OC90: variants seen among roughly 807,000 people sequenced by gnomAD.
OC90 encodes otoconin 90, also known as otoconin-90.
A neutral mutation model predicts 47.3 loss-of-function variants in OC90; 46 were observed. The observed-to-expected ratio is 0.97, with a 90% CI of 0.77 to 1.24. The LOEUF is 1.24. Among genes scored for constraint, OC90 ranks in the 50% most tolerant of loss-of-function variants. The pLI is 0.00. For synonymous variants in OC90, 271 were observed against 219.5 expected, an observed-to-expected ratio of 1.23 and a Z score of -2.07; for missense variants, 688 against 583.9, an observed-to-expected ratio of 1.18 and a Z score of -1.84.
intron 1 of OC90, among the ~76,000 whole-genome samples, chr8:132,057,800 CTT>C (rs1469491948): frequency 1.3e-5 from 2 of 152,242 alleles, no homozygotes; most frequent in Admixed American, 6.5e-5. Flanking sequence ...CCCTCCAAGA[CTT>C]TGGCTATCAA....
intron 4 of OC90, among the ~76,000 whole-genome samples, chr8:132,042,735 C>A (rs1823072733): frequency 6.6e-6 from 1 of 152,084 alleles, no homozygotes; most frequent in Admixed American, 6.5e-5. Context: ...TCACACCAGT[C>A]AAAATGGTGA....
intron 5 of OC90, 61 bp from the exon 6 acceptor site, chr8:132,041,217 A>C: frequency 9.8e-7 from 1 of 1,015,346 alleles, no homozygotes; most frequent in Non-Finnish European, 1.6e-6. Flanking sequence ...GAGGGCAGGC[A>C]GCTCATGATC....
At chr8:132,040,274 T>A (rs972218208) in intron 6 of OC90, among the ~76,000 whole-genome samples, 6 of 152,218 alleles carry the variant, frequency 3.9e-5, no homozygotes, top group Admixed American at 6.5e-5. Flanking sequence ...GGGCAAGTTA[T>A]TTAAGCTGCA....
intron 2 of OC90, among the ~76,000 whole-genome samples, chr8:132,053,468 CAG>C (rs1303329763): frequency 1.3e-5 from 2 of 152,294 alleles, no homozygotes; most frequent in South Asian, 2.1e-4. Context: ...CTGCTAGAAT[CAG>C]AGAATCTTAG....
chr8:132,050,240 C>T (rs576454030), intron 2 of OC90, among the ~76,000 whole-genome samples: 30 of 152,130 alleles, frequency 2.0e-4, no homozygotes, highest in African/African-American at 7.0e-4. Context: ...AAGAAGACTG[C>T]AAAGGGAGGA....
In OC90 at chr8:132,038,773, AC is replaced by A. The variant is rs1823006834; in HGVS notation, c.628+16del. The stretch of plus-strand genomic sequence containing the variant: ...GGCCCTTGTGGTTCAAGAGCCACCA[AC>A]CCTGGGAGGCCTTACCTCTGGGCAG... On this transcript the variant is annotated intron_variant, in intron 8 of 13. Coordinates refer to ENST00000254627, the MANE Select transcript of OC90 (RefSeq NM_001080399.3). 1 of 1,611,128 alleles carries A rather than the reference AC, an allele frequency of 6.2e-7. No individual in the cohort carries two copies. The highest frequency in any genetic ancestry group is 8.5e-7 in the Non-Finnish European group (1 of 1,177,942).
At chr8:132,028,646 GGA>G (rs2130850441) in intron 13 of OC90, among the ~76,000 whole-genome samples, 3 of 104,582 alleles carry the variant, frequency 2.9e-5, no homozygotes, top group African/African-American at 1.1e-4. Context: ...AAGAAAGGAA[GGA>G]AGGAAGAAAG....
chr8:132,035,071 T>A (rs949297193), intron 9 of OC90, among the ~76,000 whole-genome samples: 11 of 152,246 alleles, frequency 7.2e-5, no homozygotes, highest in African/African-American at 2.7e-4. Flanking sequence ...CTTGTCAGGC[T>A]GGAAGCAAGT....
rs572963476 is a variant in OC90 at position 132,024,887 on chromosome 8, C to T, written c.1139-111G>A. On this transcript the variant is annotated intron_variant, in intron 13 of 13. Coordinates refer to ENST00000254627, the MANE Select transcript of OC90 (RefSeq NM_001080399.3). ...TTCTCCTTCCTCCCCATCTTCCACACACCTTCAGGGTATCCACCTTATATG... is the reference window on the plus strand; with the variant it reads ...TTCTCCTTCCTCCCCATCTTCCACATACCTTCAGGGTATCCACCTTATATG... 99 of 884,266 alleles carry T rather than the reference C, an allele frequency of 1.1e-4. No homozygotes were observed. The African/African-American group carries it at 1.6e-3, about 14-fold the overall frequency. 54.8% of individuals were successfully genotyped at this position (884,266 alleles called of 1,614,324 possible).
intron 1 of OC90, among the ~76,000 whole-genome samples, chr8:132,056,463 T>A (rs897442310): frequency 2.0e-5 from 3 of 152,174 alleles, no homozygotes; most frequent in Admixed American, 6.5e-5. Flanking sequence ...TGAATTTTTT[T>A]AAAAAGGGTA....
At chr8:132,047,634 T>TA (rs1214289539) in intron 2 of OC90, among the ~76,000 whole-genome samples, 5 of 130,676 alleles carry the variant, frequency 3.8e-5, no homozygotes, top group African/African-American at 6.0e-5. Flanking sequence ...GTGGGAGATT[T>TA]TAAAAAAATA....
At chr8:132,028,690 A>AAGAG (rs1822815999) in intron 13 of OC90, among the ~76,000 whole-genome samples, 1 of 131,668 alleles carries the variant, frequency 7.6e-6, no homozygotes, top group African/African-American at 2.8e-5. Context: ...AAGAAAGAGA[A>AAGAG]AGAAAGAAAG....
At chr8:132,034,982 G>C in intron 9 of OC90, 148 bp from the exon 10 acceptor site, 1 of 600,072 alleles carries the variant, frequency 1.7e-6, no homozygotes, top group Non-Finnish European at 3.0e-6. Context: ...GATTTCCTAA[G>C]AGAGCTGGTG....
At chr8:132,053,317 A>T (rs1823241481) in intron 2 of OC90, among the ~76,000 whole-genome samples, 2 of 152,184 alleles carry the variant, frequency 1.3e-5, no homozygotes, top group African/African-American at 4.8e-5. Flanking sequence ...AAGCACTGTG[A>T]TGTATGTAAT....
At chr8:132,043,933 G>A (rs1262427733) in intron 4 of OC90, among the ~76,000 whole-genome samples, 1 of 152,144 alleles carries the variant, frequency 6.6e-6, no homozygotes, top group African/African-American at 2.4e-5. Context: ...TCTAGTAGTT[G>A]ATGATAGGAA....
intron 12 of OC90, among the ~76,000 whole-genome samples, chr8:132,031,423 A>C (rs74449847): frequency 7.0e-4 from 106 of 152,308 alleles, no homozygotes; most frequent in African/African-American, 2.5e-3. Context: ...TTATATTTAA[A>C]AGGTGTTGAG....
intron 2 of OC90, among the ~76,000 whole-genome samples, chr8:132,052,889 G>A (rs527925632): frequency 3.3e-5 from 5 of 152,080 alleles, no homozygotes; most frequent in South Asian, 4.2e-4. Flanking sequence ...GAGACTCTTC[G>A]ATGAAGCTAT....
intron 1 of OC90, among the ~76,000 whole-genome samples, chr8:132,057,192 G>A (rs1823289008): frequency 6.6e-6 from 1 of 152,204 alleles, no homozygotes; most frequent in Admixed American, 6.5e-5. Context: ...GGCTCAATAA[G>A]TAGTAGCTGC....
intron 2 of OC90, chr8:132,049,724 C>T (rs1823187355): frequency 6.3e-6 from 3 of 474,566 alleles, no homozygotes; most frequent in Non-Finnish European, 1.3e-5. Flanking sequence ...TAACCTTCTT[C>T]ACACCTTCCA....
Sources: gnomAD v4.1 joint callset for allele counts (sites outside exome capture counted in the v4.1 genomes callset) on GRCh38, gnomAD v4.1.1 for gene constraint, MANE v1.5 for transcripts, NCBI Gene and HGNC (gene_info 2026-07-23, HGNC 2026-07-21) for gene names.